The following MAP2K1 variants were observed in gnomAD, a reference collection of about 807,000 sequenced individuals.
MAP2K1 encodes mitogen-activated protein kinase kinase 1.
Under a neutral mutation model 46.3 loss-of-function variants are expected in MAP2K1, and 16 were observed. The observed-to-expected ratio is 0.35, with a 90% CI of 0.23 to 0.52. The LOEUF (loss-of-function observed/expected upper bound fraction) is 0.52. Ranked by LOEUF, MAP2K1 falls within the 20% of genes least tolerant of loss-of-function variation. The pLI is 0.94. For missense variants in MAP2K1, 263 were observed against 497.1 expected (o/e 0.53, Z 4.48); for synonymous variants, 183 against 185.6 (o/e 0.99, Z 0.11).
Position 66,481,805 on chromosome 15 carries a change from TG to T in MAP2K1, c.620del (p.Cys207LeufsTer48). 1 of 1,613,846 alleles carries T rather than the reference TG, an allele frequency of 6.2e-7. No homozygotes were observed. The highest frequency in any genetic ancestry group is 8.5e-7 in the Non-Finnish European group (1 of 1,179,978). ...LVNSRGEIKL[C>X]DFGVSGQLID... ...CAACTCCCGTGGGGAGATCAAGCTC[TG>T]TGACTTTGGGGTCAGCGGGCAGCTC... On this transcript the variant is annotated frameshift_variant, in exon 6 of 11. Transcript: ENST00000307102. LOFTEE classifies it high-confidence loss of function.
intron 3 of MAP2K1, among the ~76,000 whole-genome samples, chr15:66,439,067 C>T (rs1335450573): frequency 6.6e-6 from 1 of 152,186 alleles, no homozygotes; most frequent in Non-Finnish European, 1.5e-5. Flanking sequence ...CAGCTCTGGG[C>T]ACTCTCAGCC....
intron 5 of MAP2K1, among the ~76,000 whole-genome samples, chr15:66,481,403 T>TA (rs1278074490): frequency 2.6e-5 from 4 of 152,210 alleles, no homozygotes; most frequent in African/African-American, 9.6e-5. Context: ...TACTATATCT[T>TA]ACCAGTAGGG....
intron 1 of MAP2K1, among the ~76,000 whole-genome samples, chr15:66,397,455 T>C (rs1441884217): frequency 2.6e-5 from 4 of 152,098 alleles, no homozygotes; most frequent in African/African-American, 7.2e-5. Context: ...GGAAGCACTT[T>C]ATGGGGAGGC....
chr15:66,490,875 C>T lies in MAP2K1; in HGVS notation c.*260C>T. ...GTATGCTGATGATCAAAACCTGTGC[C>T]AGGCTGAATTACAGTGAAATTTTGG... is the stretch of plus-strand genomic sequence containing the variant. On this transcript the variant is annotated 3_prime_UTR_variant, in exon 11 of 11. Transcript: ENST00000307102. The T allele has an allele frequency of 1.9e-6, 1 of 539,642 alleles. No individual in the cohort carries two copies. The highest frequency in any genetic ancestry group is 3.4e-6 in the Non-Finnish European group (1 of 295,684). The allele number at this position is 539,642 out of a possible 1,614,324, so 33.4% of individuals were successfully genotyped here.
Position 66,481,768 on chromosome 15 carries a change from C to T in MAP2K1, c.582C>T (p.Ser194=). 1 of 1,612,914 alleles carries T rather than the reference C, an allele frequency of 6.2e-7. No individual in the cohort carries two copies. The highest frequency in any genetic ancestry group is 8.5e-7 in the Non-Finnish European group (1 of 1,179,900). The stretch of plus-strand genomic sequence containing the variant: ...TCTTCCCTGCAGATGTCAAGCCCTC[C>T]AACATCCTAGTCAACTCCCGTGGGG... The part of the protein sequence containing the change: ...HKIMHRDVKP[S]NILVNSRGEI... Residue 194 remains serine (S), a synonymous_variant, in exon 6 of 11, where the codon TCC becomes TCT. Coordinates refer to ENST00000307102, the MANE Select transcript of MAP2K1 (RefSeq NM_002755.4).
chr15:66,437,454 A>G (rs1045471896), intron 3 of MAP2K1, among the ~76,000 whole-genome samples: 2 of 152,202 alleles, frequency 1.3e-5, no homozygotes, highest in South Asian at 2.1e-4. Flanking sequence ...AAGTCTTCCA[A>G]CACACTGTGC....
At chr15:66,426,791 T>A (rs966756522) in intron 1 of MAP2K1, among the ~76,000 whole-genome samples, 13 of 152,244 alleles carry the variant, frequency 8.5e-5, no homozygotes, top group African/African-American at 2.9e-4. Context: ...TCTGTAGTTT[T>A]TCTTACAGTT....
At chr15:66,401,717 G>A (rs1008578574) in intron 1 of MAP2K1, 3 of 152,162 alleles carry the variant, frequency 2.0e-5, no homozygotes, top group African/African-American at 7.2e-5. Context: ...TGAGGAGGGA[G>A]TGTGCGCATC....
intron 1 of MAP2K1, among the ~76,000 whole-genome samples, chr15:66,391,320 G>A (rs1301114840): frequency 2.0e-5 from 3 of 151,998 alleles, no homozygotes; most frequent in African/African-American, 7.3e-5. Flanking sequence ...ACGGAGTCTC[G>A]CTCTATCGCC....
In MAP2K1 at chr15:66,491,505, A is replaced by G. The variant is rs138560168; in HGVS notation, c.*890A>G. 680 of 201,360 alleles carry G rather than the reference A, an allele frequency of 3.4e-3. 3 individuals are homozygous for G. Among genetic ancestry groups the G allele is most frequent in the Non-Finnish European group, 5.4e-3 (530 of 98,086 alleles). 12.5% of individuals were successfully genotyped at this position (201,360 alleles called of 1,614,324 possible). On this transcript the variant is annotated 3_prime_UTR_variant, in exon 11 of 11. Transcript: ENST00000307102. ...TTAACAAATCTAATCTCTTATTCTA[A>G]TAAATATACTATGAAATAAAAAAAA... is the stretch of plus-strand genomic sequence containing the variant.
chr15:66,413,984 C>T (rs1432035041), intron 1 of MAP2K1, among the ~76,000 whole-genome samples: 6 of 146,354 alleles, frequency 4.1e-5, no homozygotes, highest in Non-Finnish European at 9.0e-5. Flanking sequence ...TTACACTTGC[C>T]CTTTTGATAT....
rs574107724 is a variant in MAP2K1 at position 66,392,560 on chromosome 15, T to C, written c.80+5133T>C. ...CTTTGTTTTCTTTTCTTTTCTTTTT[T>C]TTTTTTTTTTGAGATGGAGTTTTGC... On this transcript the variant is annotated intron_variant, in intron 1 of 10. Transcript: ENST00000307102. 2.7e-3 allele frequency among the ~76,000 whole-genome samples: 411 copies of C among 150,334 alleles called. 5 individuals carry two copies. Among genetic ancestry groups the C allele is most frequent in the African/African-American group, 9.8e-3 (403 of 41,148 alleles).
chr15:66,479,127 C>T (rs34953313), intron 5 of MAP2K1, among the ~76,000 whole-genome samples: 42 of 151,502 alleles, frequency 2.8e-4, no homozygotes, highest in Non-Finnish European at 5.6e-4. Flanking sequence ...AGAGGAGTCT[C>T]ACTCTGTCAC....
intron 5 of MAP2K1, among the ~76,000 whole-genome samples, chr15:66,453,244 C>T (rs1263157769): frequency 6.6e-6 from 1 of 152,232 alleles, no homozygotes; most frequent in Non-Finnish European, 1.5e-5. Flanking sequence ...CCGCCTAGTG[C>T]TGCCCCCACC....
At chr15:66,454,085 A>T (rs1892104078) in intron 5 of MAP2K1, among the ~76,000 whole-genome samples, 1 of 152,202 alleles carries the variant, frequency 6.6e-6, no homozygotes, top group South Asian at 2.1e-4. Flanking sequence ...CTCTTTCCCC[A>T]TCCTCTGTGA....
intron 1 of MAP2K1, among the ~76,000 whole-genome samples, chr15:66,417,456 A>G (rs2093427288): frequency 6.6e-6 from 1 of 152,094 alleles, no homozygotes; most frequent in African/African-American, 2.4e-5. Context: ...CCTGTAGTCC[A>G]GTTACTTGAG....
intron 5 of MAP2K1, among the ~76,000 whole-genome samples, chr15:66,478,621 C>A (rs1373984438): frequency 1.3e-5 from 2 of 151,274 alleles, no homozygotes; most frequent in African/African-American, 4.9e-5. Context: ...GCCTCAGCCT[C>A]CCTAGTAGCT....
At chr15:66,395,573 ATTTT>A (rs58172562) in intron 1 of MAP2K1, among the ~76,000 whole-genome samples, 31 of 98,558 alleles carry the variant, frequency 3.1e-4, no homozygotes, top group Middle Eastern at 5.4e-3. Flanking sequence ...TTCTTGCATG[ATTTT>A]TTTTTTTTTT....
rs1252003697 is a variant in MAP2K1, at chr15:66,420,759, G to GTGTGTGTGTGTA, written c.81-14267_81-14266insGTGTGTGTGTAT. On this transcript the variant is annotated intron_variant, in intron 1 of 10. Coordinates refer to ENST00000307102, the MANE Select transcript of MAP2K1 (RefSeq NM_002755.4). ...TGTGTGTGTGTGTGTGTGTGTGTGTGTATGTGTGTATATATATGTGTATAT... is the reference window on the plus strand; with the variant it reads ...TGTGTGTGTGTGTGTGTGTGTGTGTGTGTGTGTGTGTATATGTGTGTATATATATGTGTATAT... Among the ~76,000 whole-genome samples the GTGTGTGTGTGTA allele has an allele frequency of 2.4e-3, 96 of 40,058 alleles. 5 individuals carry two copies. The highest frequency in any genetic ancestry group is 8.9e-3 in the African/African-American group (92 of 10,380). The allele number at this position is 40,058 out of a possible 152,430, so 26.3% of individuals were successfully genotyped here.
Sources: gnomAD v4.1 joint callset for allele counts (sites outside exome capture counted in the v4.1 genomes callset) on GRCh38, gnomAD v4.1.1 for gene constraint, MANE v1.5 for transcripts, NCBI Gene and HGNC (gene_info 2026-07-23, HGNC 2026-07-21) for gene names.